MOXD1: variants seen among roughly 807,000 people sequenced by gnomAD.
MOXD1 encodes the protein DBH-like monooxygenase protein 1.
MOXD1 carries 62 observed loss-of-function variants against 66.6 expected under a neutral mutation model. That is an observed-to-expected ratio of 0.93 (90% CI 0.76 to 1.15). The LOEUF is 1.15. Ranked by LOEUF, MOXD1 falls within the 50% of genes most tolerant of loss-of-function variation. The pLI is 0.00. For synonymous variants in MOXD1, 303 were observed against 281.9 expected, an observed-to-expected ratio of 1.07 and a Z score of -0.75; for missense variants, 847 against 754.6, an observed-to-expected ratio of 1.12 and a Z score of -1.44.
intron 4 of MOXD1, 108 bp from the exon 5 acceptor site, chr6:132,328,702 A>G: frequency 9.8e-7 from 1 of 1,016,940 alleles, no homozygotes; most frequent in East Asian, 2.6e-5. Context: ...TCAAAGGGAT[A>G]TTCTTCTCAA....
intron 4 of MOXD1, among the ~76,000 whole-genome samples, chr6:132,367,079 G>A (rs895241274): frequency 1.3e-5 from 2 of 152,028 alleles, no homozygotes; most frequent in South Asian, 4.1e-4. Flanking sequence ...TTCTCTTCCT[G>A]TAGCAATTGA....
chr6:132,350,324 G>A (rs1775777898), intron 4 of MOXD1, among the ~76,000 whole-genome samples: 1 of 152,184 alleles, frequency 6.6e-6, no homozygotes, highest in Admixed American at 6.5e-5. Context: ...TGAGGATCCA[G>A]TTTCACTCTC....
intron 1 of MOXD1, among the ~76,000 whole-genome samples, chr6:132,385,213 G>A (rs901874641): frequency 1.3e-5 from 2 of 152,094 alleles, no homozygotes; most frequent in African/African-American, 2.4e-5. Context: ...GTCAGGTTAA[G>A]TTTAAGATGC....
At chr6:132,381,699 G>A (rs187911154) in intron 1 of MOXD1, among the ~76,000 whole-genome samples, 2 of 152,212 alleles carry the variant, frequency 1.3e-5, no homozygotes, top group African/African-American at 4.8e-5. Context: ...GATAATCAAT[G>A]GATAGGTTAT....
chr6:132,323,120 T>C (rs927182180), intron 7 of MOXD1, among the ~76,000 whole-genome samples: 3 of 152,206 alleles, frequency 2.0e-5, no homozygotes, highest in African/African-American at 7.2e-5. Flanking sequence ...GTTATCCTCC[T>C]TTTTCCTTCT....
At chr6:132,338,356 C>T (rs530697078) in intron 4 of MOXD1, among the ~76,000 whole-genome samples, 7 of 152,302 alleles carry the variant, frequency 4.6e-5, no homozygotes, top group Non-Finnish European at 1.0e-4. Flanking sequence ...GTTCTAGGTT[C>T]CTCATTTCTA....
chr6:132,299,705 C>T (rs970040416), intron 10 of MOXD1, among the ~76,000 whole-genome samples: 2 of 151,894 alleles, frequency 1.3e-5, no homozygotes, highest in Non-Finnish European at 2.9e-5. Context: ...TAAGTGCTGG[C>T]ATGTCACAAA....
chr6:132,348,384 C>T (rs1775708785), intron 4 of MOXD1, among the ~76,000 whole-genome samples: 1 of 152,262 alleles, frequency 6.6e-6, no homozygotes, highest in African/African-American at 2.4e-5. Flanking sequence ...TCAGTGTTCC[C>T]ACTGGGTACT....
At chr6:132,312,193 T>C (rs1470710351) in intron 10 of MOXD1, among the ~76,000 whole-genome samples, 1 of 151,912 alleles carries the variant, frequency 6.6e-6, no homozygotes, top group Non-Finnish European at 1.5e-5. Context: ...GACAATAAAA[T>C]TGAGACAAGA....
At chr6:132,331,815 G>A (rs1451704441) in intron 4 of MOXD1, among the ~76,000 whole-genome samples, 2 of 152,148 alleles carry the variant, frequency 1.3e-5, no homozygotes, top group Non-Finnish European at 2.9e-5. Flanking sequence ...ACACATTATT[G>A]TAGGAAGCGT....
rs753136225 is a variant in MOXD1, at chr6:132,297,768, G to A, written c.1677+19C>T. 3.2e-6 allele frequency: 5 copies of A among 1,571,992 alleles called. No individual in the cohort carries two copies. The highest frequency in any genetic ancestry group is 1.2e-5 in the South Asian group (1 of 83,490). ...ATAAAATGTGTCATCTGGGTTGTCA[G>A]AGGTTAAAAAGAGCTTACCGACCAC... On this transcript the variant is annotated intron_variant, in intron 11 of 11. Transcript: ENST00000367963.
chr6:132,304,465 G>A (rs1000348297), intron 10 of MOXD1, among the ~76,000 whole-genome samples: 1 of 152,078 alleles, frequency 6.6e-6, no homozygotes, highest in Non-Finnish European at 1.5e-5. Flanking sequence ...ATCTCACATT[G>A]CCCTGGGATA....
intron 8 of MOXD1, 36 bp downstream of exon 8, chr6:132,322,643 A>C: frequency 4.4e-6 from 7 of 1,583,368 alleles, no homozygotes; most frequent in Non-Finnish European, 6.0e-6. Flanking sequence ...CATGACTTTC[A>C]TAACAGTCAA....
chr6:132,328,481 G>A lies in MOXD1; in HGVS notation c.777C>T (p.His259=), dbSNP rs768285269. 3 of 1,614,038 alleles carry A rather than the reference G, an allele frequency of 1.9e-6. No homozygotes were observed. In the Admixed American group the frequency reaches 5.0e-5, roughly 27 times the overall value. ...SVLESGHECY[H]PNMPDAFLTC... is the part of the protein sequence containing the mutation. ...TGAGGAATGCATCGGGCATGTTGGGGTGATAGCACTCGTGGCCGGACTCCA... is the reference window on the plus strand; with the variant it reads ...TGAGGAATGCATCGGGCATGTTGGGATGATAGCACTCGTGGCCGGACTCCA... Residue 259 remains histidine (H), a synonymous_variant, in exon 5 of 12, where the codon CAC becomes CAT. Transcript: ENST00000367963.
At chr6:132,317,868 T>C (rs963547357) in intron 9 of MOXD1, among the ~76,000 whole-genome samples, 1 of 152,098 alleles carries the variant, frequency 6.6e-6, no homozygotes, top group Non-Finnish European at 1.5e-5. Context: ...TTCATTACAC[T>C]TTACATTCAG....
At chr6:132,353,418 G>T (rs1775843666) in intron 4 of MOXD1, among the ~76,000 whole-genome samples, 2 of 152,138 alleles carry the variant, frequency 1.3e-5, no homozygotes, top group African/African-American at 4.8e-5. Context: ...CTTCATATAT[G>T]ATGCTCAGTT....
intron 4 of MOXD1, among the ~76,000 whole-genome samples, chr6:132,361,580 T>A (rs926582670): frequency 6.6e-6 from 1 of 152,144 alleles, no homozygotes; most frequent in African/African-American, 2.4e-5. Context: ...AATTTTAATA[T>A]ATATAAAACA....
chr6:132,360,776 TG>T (rs892216719), intron 4 of MOXD1, among the ~76,000 whole-genome samples: 12 of 152,212 alleles, frequency 7.9e-5, no homozygotes, highest in Admixed American at 2.6e-4. Context: ...TAGCACTGAA[TG>T]CTGTCCAAAG....
Position 132,297,781 on chromosome 6 carries a change from G to A in MOXD1, c.1677+6C>T. 3 of 1,587,662 alleles carry A rather than the reference G, an allele frequency of 1.9e-6. No individual in the cohort carries two copies. Among genetic ancestry groups the A allele is most frequent in the Non-Finnish European group, 2.6e-6 (3 of 1,171,308 alleles). ...TCTGGGTTGTCAGAGGTTAAAAAGA[G>A]CTTACCGACCACTCAGCATTGTCTG... On this transcript the variant is annotated splice_donor_region_variant and intron_variant, in intron 11 of 11. Transcript: ENST00000367963.
Sources: allele counts gnomAD v4.1 joint callset (sites outside exome capture counted in the v4.1 genomes callset), GRCh38; gene constraint gnomAD v4.1.1; transcripts MANE v1.5; gene names NCBI Gene and HGNC (gene_info 2026-07-23, HGNC 2026-07-21).